PLCE1: variants seen among roughly 807,000 people sequenced by gnomAD.
PLCE1 encodes phospholipase C epsilon 1.
PLCE1 carries 119 observed loss-of-function variants against 242.8 expected under a neutral mutation model. The observed-to-expected ratio is 0.49, with a 90% CI of 0.42 to 0.57. PLCE1 has a LOEUF of 0.57. Ranked by LOEUF, PLCE1 falls within the 20% of genes least tolerant of loss-of-function variation. The probability of loss-of-function intolerance (pLI) is 0.00; values close to 1 mark genes in which losing one functional copy is unlikely to be tolerated. For synonymous variants in PLCE1, 945 were observed against 1,017.4 expected (o/e 0.93, Z 1.35); for missense variants, 2,441 against 2,788.8 (o/e 0.88, Z 2.81).
At chr10:94,211,917 C>T (rs1290918405) in intron 4 of PLCE1, among the ~76,000 whole-genome samples, 1 of 151,954 alleles carries the variant, frequency 6.6e-6, no homozygotes, top group Admixed American at 6.6e-5. Flanking sequence ...CAGAGAGACC[C>T]CTGTCAATAT....
At chr10:94,280,523 G>C (rs1056611389) in intron 20 of PLCE1, 4 of 153,100 alleles carry the variant, frequency 2.6e-5, no homozygotes, top group African/African-American at 9.6e-5. Context: ...TCTCACATGA[G>C]AATTAGGTTT....
At chr10:94,036,796 T>G (rs1363844669) in intron 2 of PLCE1, among the ~76,000 whole-genome samples, 4 of 152,200 alleles carry the variant, frequency 2.6e-5, no homozygotes. Context: ...AAGAAGTTTC[T>G]GCTTCTGCCT....
chr10:94,204,741 AGGG>A (rs2049094171), intron 4 of PLCE1, among the ~76,000 whole-genome samples: 1 of 133,568 alleles, frequency 7.5e-6, no homozygotes, highest in Non-Finnish European at 1.6e-5. Flanking sequence ...GGAAAGAAGA[AGGG>A]AGGGAGGAAG....
intron 2 of PLCE1, among the ~76,000 whole-genome samples, chr10:94,114,782 A>G (rs2046068124): frequency 6.7e-6 from 1 of 149,616 alleles, no homozygotes; most frequent in Non-Finnish European, 1.5e-5. Flanking sequence ...TAATACTTTA[A>G]GTTCTAGGGT....
chr10:94,183,797 G>C (rs548134060), intron 4 of PLCE1, among the ~76,000 whole-genome samples: 58 of 152,066 alleles, frequency 3.8e-4, no homozygotes, highest in Non-Finnish European at 6.8e-4. Context: ...GCACGTCATG[G>C]GGCAAGAATG....
intron 2 of PLCE1, among the ~76,000 whole-genome samples, chr10:94,057,164 A>G (rs1465983338): frequency 6.6e-6 from 1 of 152,090 alleles, no homozygotes; most frequent in Admixed American, 6.6e-5. Context: ...CTGGTTATAT[A>G]TATCTAGGAA....
chr10:94,123,157 A>C (rs1272397799), intron 2 of PLCE1, among the ~76,000 whole-genome samples: 1 of 152,152 alleles, frequency 6.6e-6, no homozygotes, highest in Non-Finnish European at 1.5e-5. Flanking sequence ...AAAGAACATG[A>C]TTATTTCTTG....
intron 5 of PLCE1, among the ~76,000 whole-genome samples, chr10:94,230,594 G>A (rs965437745): frequency 1.3e-5 from 2 of 150,710 alleles, no homozygotes; most frequent in African/African-American, 2.4e-5. Context: ...CAAAGTGCTA[G>A]GATTACAGGC....
intron 4 of PLCE1, among the ~76,000 whole-genome samples, chr10:94,179,512 G>GTGTTTTTTTTTTTTTTTTT (rs2048228141): frequency 5.2e-5 from 1 of 19,398 alleles, no homozygotes; most frequent in Non-Finnish European, 1.0e-4. Context: ...TTTTAGTTTA[G>GTGTTTTTTTTTTTTTTTTT]TTTTTTTTTT....
At chr10:94,166,579 G>GGTGTGTGTGT (rs56088035) in intron 3 of PLCE1, among the ~76,000 whole-genome samples, 1,859 of 145,934 alleles carry the variant, frequency 0.013, 45 homozygotes, top group African/African-American at 0.041. Context: ...AGAGAAAAAA[G>GGTGTGTGTGT]GTGTGTGTGT....
At chr10:94,293,713 A>G in intron 23 of PLCE1, 74 bp downstream of exon 23, 1 of 1,510,296 alleles carries the variant, frequency 6.6e-7, no homozygotes, top group Non-Finnish European at 9.2e-7. Flanking sequence ...CTGTCTAAGC[A>G]CTTCCCTTGA....
At chr10:94,047,345 C>T (rs534934916) in intron 2 of PLCE1, among the ~76,000 whole-genome samples, 1 of 152,270 alleles carries the variant, frequency 6.6e-6, no homozygotes, top group Admixed American at 6.5e-5. Flanking sequence ...GTCTCCCTAC[C>T]AGTGAGAAGG....
intron 29 of PLCE1, among the ~76,000 whole-genome samples, chr10:94,317,081 T>C (rs1167395915): frequency 6.6e-6 from 1 of 152,098 alleles, no homozygotes; most frequent in Non-Finnish European, 1.5e-5. Context: ...CGAAACCCCA[T>C]CTCTACTAAA....
At chr10:94,063,073 G>T (rs781624450) in intron 2 of PLCE1, among the ~76,000 whole-genome samples, 25 of 151,836 alleles carry the variant, frequency 1.6e-4, no homozygotes, top group Non-Finnish European at 2.4e-4. Flanking sequence ...TTCCCACCTG[G>T]ACTCCTCTCC....
intron 4 of PLCE1, among the ~76,000 whole-genome samples, chr10:94,183,823 A>G (rs1487830147): frequency 1.3e-5 from 2 of 152,114 alleles, no homozygotes; most frequent in Non-Finnish European, 2.9e-5. Flanking sequence ...AAGAGAGAGA[A>G]AAGGGGGATG....
intron 2 of PLCE1, among the ~76,000 whole-genome samples, chr10:94,058,104 A>G (rs1290646444): frequency 6.6e-6 from 1 of 152,196 alleles, no homozygotes; most frequent in African/African-American, 2.4e-5. Context: ...ACCTTAACTG[A>G]ATTGGTGGTC....
In PLCE1 at chr10:94,031,384, A is replaced by G; in HGVS notation, c.338A>G (p.His113Arg). Residue 113 changes from histidine (H) to arginine (R), a missense_variant, in exon 2 of 33, where the codon CAT becomes CGT. Physicochemically the swap from His to Arg is conservative, Grantham distance 29. Transcript: ENST00000371380. ...NINCNNILRN[H>R]QHGLPQRQFY... ...AACTGCAACAACATATTGAGAAACC[A>G]TCAGCATGGCCTTCCTCAGAGACAA... 6.2e-7 allele frequency: 1 copy of G among 1,613,918 alleles called. No homozygotes were observed. Among genetic ancestry groups the G allele is most frequent in the Non-Finnish European group, 8.5e-7 (1 of 1,179,870 alleles).
At chr10:94,308,439 G>A (rs376298029) in intron 26 of PLCE1, 142 bp from the exon 27 acceptor site, 2 of 764,578 alleles carry the variant, frequency 2.6e-6, no homozygotes, top group Non-Finnish European at 4.8e-6. Flanking sequence ...CTCTCTTGGC[G>A]AAAAGACGCC....
At chr10:94,116,139 T>C (rs1315579082) in intron 2 of PLCE1, among the ~76,000 whole-genome samples, 2 of 152,174 alleles carry the variant, frequency 1.3e-5, no homozygotes, top group East Asian at 3.9e-4. Context: ...AAATTCTATC[T>C]TTCTGTCTTT....
Sources: allele counts gnomAD v4.1 joint callset (sites outside exome capture counted in the v4.1 genomes callset), GRCh38; gene constraint gnomAD v4.1.1; transcripts MANE v1.5; gene names NCBI Gene and HGNC (gene_info 2026-07-23, HGNC 2026-07-21).